Variants in OSBPL9 observed in about 807,000 individuals in gnomAD.
The protein encoded by OSBPL9 is oxysterol binding protein like 9.
OSBPL9 carries 40 observed loss-of-function variants against 106.6 expected under a neutral mutation model. The observed-to-expected ratio is 0.38, with a 90% CI of 0.29 to 0.49. The LOEUF is 0.49. OSBPL9 is among the 20% of genes least tolerant of loss of function. The pLI is 0.97. For synonymous variants in OSBPL9, 269 were observed against 295.4 expected (o/e 0.91, Z 0.92); for missense variants, 609 against 887.2 (o/e 0.69, Z 3.98).
intron 3 of OSBPL9, among the ~76,000 whole-genome samples, chr1:51,676,497 A>T (rs1426788070): frequency 6.6e-6 from 1 of 152,000 alleles, no homozygotes; most frequent in African/African-American, 2.4e-5. Context: ...CAATTAAAAA[A>T]TTTGACGCTA....
At chr1:51,673,627 A>G (rs753942266) in intron 3 of OSBPL9, among the ~76,000 whole-genome samples, 4 of 152,204 alleles carry the variant, frequency 2.6e-5, no homozygotes, top group Non-Finnish European at 5.9e-5. Flanking sequence ...GTGTTATAAC[A>G]TAGCTGTGGT....
the OSBPL9 span, among the ~76,000 whole-genome samples, chr1:51,526,437 T>C: frequency 6.6e-6 from 1 of 152,204 alleles, no homozygotes; most frequent in Non-Finnish European, 1.5e-5. Context: ...GAAATGTTTC[T>C]CTCTGGAGAT....
chr1:51,719,962 A>G (rs1409311409), intron 4 of OSBPL9, among the ~76,000 whole-genome samples: 2 of 152,226 alleles, frequency 1.3e-5, no homozygotes, highest in African/African-American at 4.8e-5. Context: ...GTACACTACC[A>G]TGTGGAACGT....
chr1:51,746,835 T>C, intron 6 of OSBPL9, 78 bp downstream of exon 6: 2 of 1,129,884 alleles, frequency 1.8e-6, no homozygotes, highest in Non-Finnish European at 2.6e-6. Context: ...TCTTAGTGTG[T>C]TTTTACTTAC....
intron 3 of OSBPL9, among the ~76,000 whole-genome samples, chr1:51,673,888 G>GTT (rs75863412): frequency 4.3e-5 from 6 of 139,606 alleles, no homozygotes; most frequent in Non-Finnish European, 6.2e-5. Flanking sequence ...CTCTAAAAAA[G>GTT]TTTTTTTTTT....
At chr1:51,529,905 C>G in the OSBPL9 span, among the ~76,000 whole-genome samples, 1 of 151,726 alleles carries the variant, frequency 6.6e-6, no homozygotes, top group Non-Finnish European at 1.5e-5. Context: ...GGTGCGGTGG[C>G]TCACGCCTGT....
the OSBPL9 span, among the ~76,000 whole-genome samples, chr1:51,534,130 G>A: frequency 2.6e-5 from 4 of 151,706 alleles, no homozygotes; most frequent in African/African-American, 9.7e-5. Context: ...CTTGAACCCG[G>A]GAGGAGGAGT....
chr1:51,609,922 T>C (rs1449689801), intron 2 of OSBPL9, among the ~76,000 whole-genome samples: 1 of 151,932 alleles, frequency 6.6e-6, no homozygotes, highest in Non-Finnish European at 1.5e-5. Context: ...TAATTTTTTG[T>C]GTCTTTAGTA....
chr1:51,761,684 C>A (rs1456161520), intron 10 of OSBPL9, among the ~76,000 whole-genome samples, 183 bp from the exon 11 acceptor site: 1 of 151,998 alleles, frequency 6.6e-6, no homozygotes, highest in Non-Finnish European at 1.5e-5. Flanking sequence ...TACTCTGTAG[C>A]CTATCATCAT....
intron 3 of OSBPL9, among the ~76,000 whole-genome samples, chr1:51,693,995 G>A (rs1031999629): frequency 6.6e-6 from 1 of 152,140 alleles, no homozygotes; most frequent in South Asian, 2.1e-4. Flanking sequence ...TGCTTTCTAG[G>A]AGCTTACATT....
At chr1:51,602,439 T>C (rs78367634) in intron 2 of OSBPL9, among the ~76,000 whole-genome samples, 1 of 149,924 alleles carries the variant, frequency 6.7e-6, no homozygotes, top group Non-Finnish European at 1.5e-5. Flanking sequence ...TTTTTTTTTT[T>C]TGAGACTGGG....
the OSBPL9 span, among the ~76,000 whole-genome samples, chr1:51,554,053 G>A: frequency 2.6e-5 from 4 of 152,246 alleles, no homozygotes; most frequent in Non-Finnish European, 5.9e-5. Flanking sequence ...CTACTCGAGA[G>A]GCTAAGGTGG....
chr1:51,615,639 A>T (rs2148608018), upstream of OSBPL9, among the ~76,000 whole-genome samples: 1 of 152,292 alleles, frequency 6.6e-6, no homozygotes, highest in East Asian at 1.9e-4. Context: ...AAGGACAAAG[A>T]AAGCCCTTCC....
At chr1:51,637,702 TATTA>T (rs1229124046) in intron 1 of OSBPL9, among the ~76,000 whole-genome samples, 1 of 152,226 alleles carries the variant, frequency 6.6e-6, no homozygotes. Flanking sequence ...TATTCCAATT[TATTA>T]ATTCACAACA....
chr1:51,705,196 A>G (rs1658164986), intron 3 of OSBPL9, among the ~76,000 whole-genome samples: 1 of 151,260 alleles, frequency 6.6e-6, no homozygotes, highest in Non-Finnish European at 1.5e-5. Context: ...TGTTTTTTTA[A>G]GAGATGGGGT....
At chr1:51,765,726 C>G in intron 11 of OSBPL9, 96 bp from the exon 12 acceptor site, 1 of 1,177,948 alleles carries the variant, frequency 8.5e-7, no homozygotes, top group Non-Finnish European at 1.2e-6. Context: ...CTTAACCAAA[C>G]TCTTTTTTGA....
intron 2 of OSBPL9, among the ~76,000 whole-genome samples, chr1:51,656,126 T>A (rs780891446): frequency 1.4e-4 from 22 of 152,192 alleles, no homozygotes; most frequent in Non-Finnish European, 2.4e-4. Context: ...GTAGAAACAA[T>A]CAGAGAGACC....
chr1:51,565,011 C>A, the OSBPL9 span, among the ~76,000 whole-genome samples: 1 of 152,214 alleles, frequency 6.6e-6, no homozygotes, highest in African/African-American at 2.4e-5. Flanking sequence ...TTTGCCTGAT[C>A]ATCTGCCTTA....
chr1:51,557,729 T>A, the OSBPL9 span, among the ~76,000 whole-genome samples: 31 of 152,364 alleles, frequency 2.0e-4, 2 homozygotes, highest in South Asian at 6.4e-3. Context: ...CTCAGTGTTC[T>A]CATCAGTAAA....
Sources: allele counts gnomAD v4.1 joint callset (sites outside exome capture counted in the v4.1 genomes callset), GRCh38; gene constraint gnomAD v4.1.1; transcripts MANE v1.5; gene names NCBI Gene and HGNC (gene_info 2026-07-23, HGNC 2026-07-21).